The following MYO15B variants were observed in gnomAD, a reference collection of about 807,000 sequenced individuals.
MYO15B encodes myosin XVB.
In MYO15B, 207 loss-of-function variants were observed where a neutral mutation model predicts 119.3. That is an observed-to-expected ratio of 1.73 (90% CI 1.55 to 1.95). The LOEUF is 1.95. Among genes scored for constraint, MYO15B ranks in the 30% most tolerant of loss-of-function variants. MYO15B has a pLI of 0.00. For synonymous variants in MYO15B, 966 were observed against 498.9 expected, an observed-to-expected ratio of 1.94 and a Z score of -12.48; for missense variants, 2,264 against 1,203.1, an observed-to-expected ratio of 1.88 and a Z score of -13.04.
exon 14 of MYO15B, chr17:75,596,813 C>T (rs1342862983): frequency 5.7e-6 from 4 of 702,710 alleles, no homozygotes; most frequent in Admixed American, 2.0e-5. Flanking sequence ...TGTCCCTCAG[C>T]CTCCGAGGGA....
In MYO15B at chr17:75,598,290, G is replaced by T. The variant is rs575215232; in HGVS notation, c.3525+1391G>T. On this transcript the variant is annotated intron_variant, in intron 14 of 63. Transcript: ENST00000645453. ...TCAAAAAAAAGAAAAGAAAAGAAAAGAAAATGGGCCAGGCGCGGTGGCTCA... is the reference window on the plus strand; with the variant it reads ...TCAAAAAAAAGAAAAGAAAAGAAAATAAAATGGGCCAGGCGCGGTGGCTCA... 6.8e-5 allele frequency among the ~76,000 whole-genome samples: 10 copies of T among 147,254 alleles called. No homozygotes were observed. The South Asian group carries it at 1.1e-3, about 16-fold the overall frequency.
rs1568163305 is a variant in MYO15B at position 75,606,988 on chromosome 17, C to A, written c.4292+967C>A. The A allele has an allele frequency of 1.5e-5, 6 of 398,578 alleles. No individual in the cohort carries two copies. In the East Asian group the frequency reaches 1.8e-4, roughly 12 times the overall value. 24.7% of individuals were successfully genotyped at this position (398,578 alleles called of 1,614,324 possible). On this transcript the variant is annotated intron_variant, in intron 21 of 63. Transcript: ENST00000645453. ...TGGCTGACCGTCTGCCTCATCTACC[C>A]TTGGGCCAGATGCTGGTGACAGAGC... is the stretch of plus-strand genomic sequence containing the variant.
chr17:75,596,698 A>G lies in MYO15B; in HGVS notation c.3394-70A>G, dbSNP rs527375981. The G allele has an allele frequency of 1.2e-3, 833 of 672,642 alleles. 2 individuals carry two copies. The highest frequency in any genetic ancestry group is 5.0e-3 in the East Asian group (187 of 37,048). The allele number at this position is 672,642 out of a possible 1,614,324, so 41.7% of individuals were successfully genotyped here. On this transcript the variant is annotated intron_variant, in intron 13 of 63. Transcript: ENST00000645453. ...AGGTGTCTCAGTCTTCTGAGCCTCA[A>G]TGTACTATTCTATAAGATGGGAGGG...
At position 75,591,154 on chromosome 17, in the gene MYO15B, CCTT is replaced by C; in HGVS notation, c.2361-15_2361-13del. On this transcript the variant is annotated splice_polypyrimidine_tract_variant and intron_variant, in intron 3 of 63. Coordinates refer to ENST00000645453, the Ensembl canonical transcript of MYO15B. ...GGTCCCAGGTCCCCATGTCTGGCAA[CCTT>C]CTCATCTCCCTCAGACACATCTTTG... 1.4e-6 allele frequency: 1 copy of C among 702,876 alleles called. No homozygotes were observed. 43.5% of individuals were successfully genotyped at this position (702,876 alleles called of 1,614,324 possible).
chr17:75,612,095 T>G, intron 25 of MYO15B, 79 bp downstream of exon 25: 1 of 671,846 alleles, frequency 1.5e-6, no homozygotes, highest in Non-Finnish European at 2.7e-6. Context: ...CTGCGTTTTT[T>G]TCCCCGCTGT....
intron 28 of MYO15B, 24 bp downstream of exon 28, chr17:75,613,495 C>T (rs992441624): frequency 2.9e-5 from 19 of 666,342 alleles, no homozygotes; most frequent in Non-Finnish European, 4.8e-5. Flanking sequence ...CTGGCTGAGG[C>T]CTCCCAGGCC....
chr17:75,604,925 G>C lies in MYO15B; in HGVS notation c.4017-579G>C, dbSNP rs182289158. Among the ~76,000 whole-genome samples the C allele has an allele frequency of 7.3e-5, 11 of 151,684 alleles. No individual in the cohort carries two copies. The East Asian group carries it at 1.6e-3, about 22-fold the overall frequency. ...AGGCCAAGGCAGGCAGATCACCTGA[G>C]GTCAGGAGATTGAGACCAGCTGACC... On this transcript the variant is annotated intron_variant, in intron 19 of 63. Coordinates refer to ENST00000645453, the Ensembl canonical transcript of MYO15B.
At chr17:75,619,847 G>T (rs1185096201) in intron 46 of MYO15B, 32 bp from the exon 47 acceptor site, 1 of 702,154 alleles carries the variant, frequency 1.4e-6, no homozygotes, top group Admixed American at 2.0e-5. Context: ...AGGTGGCAAG[G>T]TGACCTCAGT....
intron 9 of MYO15B, among the ~76,000 whole-genome samples, chr17:75,593,197 TAAAAAA>T (rs5822094): frequency 1.3e-5 from 1 of 74,228 alleles, no homozygotes; most frequent in Non-Finnish European, 2.3e-5. Context: ...CCGTCTCTAT[TAAAAAA>T]AAAAAAAAAA....
At chr17:75,596,339 G>T in intron 12 of MYO15B, 121 bp from the exon 13 acceptor site, 1 of 630,070 alleles carries the variant, frequency 1.6e-6, no homozygotes, top group Non-Finnish European at 2.9e-6. Flanking sequence ...TGACCCTGTT[G>T]GCTACACAGC....
At chr17:75,601,611 C>G (rs1190647486) in intron 15 of MYO15B, 48 bp downstream of exon 15, 1 of 689,778 alleles carries the variant, frequency 1.4e-6, no homozygotes, top group Non-Finnish European at 2.7e-6. Context: ...AGGGCAGTGT[C>G]CCCTCCCAAG....
At chr17:75,626,307 AG>A (rs1228363568) in intron 63 of MYO15B, 79 bp downstream of exon 63, 7 of 697,722 alleles carry the variant, frequency 1.0e-5, no homozygotes, top group Non-Finnish European at 1.8e-5. Flanking sequence ...GTGGGAGCCC[AG>A]GCCCAGGCCG....
chr17:75,618,222 CAG>C (rs1294915285), intron 43 of MYO15B, 37 bp downstream of exon 43: 1 of 702,758 alleles, frequency 1.4e-6, no homozygotes, highest in Non-Finnish European at 2.6e-6. Context: ...GAGACATCTG[CAG>C]AGACAGCATC....
chr17:75,626,349 G>C, intron 63 of MYO15B, 58 bp from the exon 64 acceptor site: 1 of 702,304 alleles, frequency 1.4e-6, no homozygotes, highest in Non-Finnish European at 2.6e-6. Context: ...CTGTGGGCCG[G>C]GGCAGAGGCG....
At chr17:75,617,641 G>A (rs943905571) in intron 41 of MYO15B, 169 bp from the exon 42 acceptor site, 20 of 590,614 alleles carry the variant, frequency 3.4e-5, no homozygotes, top group Non-Finnish European at 5.8e-5. Context: ...AAAGTTTAGG[G>A]CCCAAAATGG....
At chr17:75,618,834 T>C (rs1093995) in intron 43 of MYO15B, among the ~76,000 whole-genome samples, 49,234 of 152,112 alleles carry the variant, frequency 0.32, 8,261 homozygotes, top group Middle Eastern at 0.38. Context: ...CAGTAGCACC[T>C]GCCCCCTGCC....
At chr17:75,598,217 G>A (rs1020805897) in intron 14 of MYO15B, among the ~76,000 whole-genome samples, 3 of 148,594 alleles carry the variant, frequency 2.0e-5, no homozygotes, top group Non-Finnish European at 3.0e-5. Context: ...GCAGTGAGCC[G>A]AGATCGTGCC....
At chr17:75,596,637 G>A in intron 13 of MYO15B, 82 bp downstream of exon 13, 1 of 691,534 alleles carries the variant, frequency 1.4e-6, no homozygotes. Context: ...GGAAAGTTGG[G>A]AACTGAGAGC....
At chr17:75,623,197 G>A (rs1446121113) in intron 53 of MYO15B, among the ~76,000 whole-genome samples, 1 of 152,178 alleles carries the variant, frequency 6.6e-6, no homozygotes, top group Non-Finnish European at 1.5e-5. Context: ...TGGGCGTGGT[G>A]GAGCACACCT....
Sources: allele counts gnomAD v4.1 joint callset (sites outside exome capture counted in the v4.1 genomes callset), GRCh38; gene constraint gnomAD v4.1.1; transcripts MANE v1.5; gene names NCBI Gene and HGNC (gene_info 2026-07-23, HGNC 2026-07-21).